The following COL19A1 variants were observed in gnomAD, a reference collection of about 807,000 sequenced individuals.
COL19A1 encodes the protein collagen type XIX alpha 1 chain, also known as collagen alpha-1(XIX) chain.
COL19A1 carries 159 observed loss-of-function variants against 190.2 expected under a neutral mutation model. The observed-to-expected ratio is 0.84, with a 90% CI of 0.73 to 0.95. The LOEUF is 0.95. COL19A1 is among the 40% of genes least tolerant of loss of function. COL19A1 has a pLI of 0.00. For missense variants in COL19A1, 1,418 were observed against 1,431.9 expected (o/e 0.99, Z 0.16); for synonymous variants, 509 against 458.9 (o/e 1.11, Z -1.39).
chr6:70,068,014 T>C (rs1463497778), intron 14 of COL19A1, among the ~76,000 whole-genome samples: 1 of 152,140 alleles, frequency 6.6e-6, no homozygotes, highest in Non-Finnish European at 1.5e-5. Context: ...ATGCATTTCC[T>C]TAGAATATAC....
At chr6:70,185,146 G>T (rs802187) in intron 46 of COL19A1, among the ~76,000 whole-genome samples, 1 of 152,080 alleles carries the variant, frequency 6.6e-6, no homozygotes, top group African/African-American at 2.4e-5. Context: ...ATACTTTGCT[G>T]TTTAAATTTG....
At chr6:70,154,921 T>A (rs1787344761) in intron 31 of COL19A1, among the ~76,000 whole-genome samples, 1 of 152,142 alleles carries the variant, frequency 6.6e-6, no homozygotes, top group African/African-American at 2.4e-5. Flanking sequence ...GGCACCTGAT[T>A]AGATGGTGCT....
intron 16 of COL19A1, among the ~76,000 whole-genome samples, chr6:70,121,641 G>A (rs372484411): frequency 7.9e-5 from 12 of 152,230 alleles, no homozygotes; most frequent in African/African-American, 2.6e-4. Context: ...CTGGTAAAAT[G>A]TTACATGCTC....
chr6:69,871,714 A>G (rs1299316876), intron 1 of COL19A1, among the ~76,000 whole-genome samples: 2 of 152,192 alleles, frequency 1.3e-5, no homozygotes, highest in African/African-American at 2.4e-5. Context: ...ATGGCTTAAC[A>G]GTAAAAATGT....
At chr6:69,924,604 T>C (rs1476822386) in intron 4 of COL19A1, among the ~76,000 whole-genome samples, 1 of 151,668 alleles carries the variant, frequency 6.6e-6, no homozygotes, top group Non-Finnish European at 1.5e-5. Flanking sequence ...TTATAATCCT[T>C]TGGGTATATC....
At chr6:69,928,424 T>G (rs535957013) in intron 5 of COL19A1, among the ~76,000 whole-genome samples, 94 of 152,130 alleles carry the variant, frequency 6.2e-4, no homozygotes, top group Non-Finnish European at 8.7e-4. Context: ...TGGACAACTC[T>G]TGGTGAATAA....
At chr6:69,920,161 C>T (rs965481868) in intron 4 of COL19A1, among the ~76,000 whole-genome samples, 21 of 152,054 alleles carry the variant, frequency 1.4e-4, no homozygotes, top group Middle Eastern at 3.4e-3. Context: ...AATCTTAACA[C>T]CAAGAAAGAA....
intron 14 of COL19A1, among the ~76,000 whole-genome samples, chr6:70,062,735 T>C (rs1261207727): frequency 1.3e-5 from 2 of 152,080 alleles, no homozygotes; most frequent in Admixed American, 1.3e-4. Context: ...TCAGGAAACC[T>C]ATCTCATCTG....
intron 13 of COL19A1, 147 bp from the exon 14 acceptor site, chr6:70,035,757 T>A: frequency 1.6e-6 from 1 of 610,782 alleles, no homozygotes; most frequent in Admixed American, 2.9e-5. Context: ...ATATTTTCTT[T>A]ATGCAGAGAC....
chr6:69,910,573 A>C (rs1770846869), intron 4 of COL19A1, among the ~76,000 whole-genome samples: 1 of 152,220 alleles, frequency 6.6e-6, no homozygotes, highest in Non-Finnish European at 1.5e-5. Flanking sequence ...AGTCATAATA[A>C]AGCAAATGTT....
intron 34 of COL19A1, 61 bp downstream of exon 34, chr6:70,156,784 G>A (rs886733613): frequency 3.0e-6 from 4 of 1,344,286 alleles, no homozygotes; most frequent in African/African-American, 3.0e-5. Context: ...TGGCTCAACA[G>A]AGTAAAAATG....
At chr6:69,970,143 C>T (rs947451138) in intron 11 of COL19A1, among the ~76,000 whole-genome samples, 1 of 152,036 alleles carries the variant, frequency 6.6e-6, no homozygotes, top group Non-Finnish European at 1.5e-5. Context: ...AAAAAGGGGC[C>T]ATTTTATAAT....
In COL19A1 at chr6:70,158,948, T is replaced by C. The variant is rs1026727311; in HGVS notation, c.2292+2225T>C. Reference sequence around the variant, plus strand: ...TATCTTATTGCCCTTTATGCATCCATAGTAACTTTCACTTTTACTACAGAA... The same window carrying C: ...TATCTTATTGCCCTTTATGCATCCACAGTAACTTTCACTTTTACTACAGAA... On this transcript the variant is annotated intron_variant, in intron 34 of 50. Transcript: ENST00000620364. 3.9e-5 allele frequency among the ~76,000 whole-genome samples: 6 copies of C among 152,242 alleles called. No homozygotes were observed. In the East Asian group the frequency reaches 9.6e-4, roughly 24 times the overall value.
At chr6:69,944,035 T>C (rs915740099) in intron 9 of COL19A1, among the ~76,000 whole-genome samples, 1 of 152,180 alleles carries the variant, frequency 6.6e-6, no homozygotes, top group African/African-American at 2.4e-5. Context: ...TCCCAGATTG[T>C]CTCGTACCCT....
intron 15 of COL19A1, among the ~76,000 whole-genome samples, chr6:70,077,132 C>G (rs923530673): frequency 3.3e-5 from 5 of 152,068 alleles, no homozygotes; most frequent in Admixed American, 6.6e-5. Flanking sequence ...AATAAATAAG[C>G]CCTCAACTTT....
At chr6:69,944,656 CA>C (rs1420486109) in intron 9 of COL19A1, among the ~76,000 whole-genome samples, 1 of 151,974 alleles carries the variant, frequency 6.6e-6, no homozygotes, top group East Asian at 1.9e-4. Flanking sequence ...GAAGTTTTGG[CA>C]AAACTTAATA....
intron 9 of COL19A1, among the ~76,000 whole-genome samples, chr6:69,944,038 C>G (rs144145733): frequency 6.6e-6 from 1 of 152,090 alleles, no homozygotes. Flanking sequence ...CAGATTGTCT[C>G]GTACCCTCTT....
At position 69,896,543 on chromosome 6, in the gene COL19A1, CAAAAAAAAAAAAAA is replaced by C. The variant is rs61409385; in HGVS notation, c.92-2390_92-2377del. On this transcript the variant is annotated intron_variant, in intron 2 of 50. Transcript: ENST00000620364. ...TGGGCGACAGAGCGAGACTCCGTCT[CAAAAAAAAAAAAAA>C]AAAAAAAAAAAAAATACTGCCAAAC... 4.5e-4 allele frequency among the ~76,000 whole-genome samples: 32 copies of C among 71,684 alleles called. 3 individuals carry two copies. The South Asian group carries it at 0.014, about 31-fold the overall frequency. 47.0% of individuals were successfully genotyped at this position (71,684 alleles called of 152,430 possible).
Position 70,211,064 on chromosome 6 carries a change from A to G in COL19A1, c.*3790A>G, listed in dbSNP as rs1406820577. On this transcript the variant is annotated 3_prime_UTR_variant, in exon 51 of 51. Transcript: ENST00000620364. ...GACAGATACTCTCAACAGACAAGAA[A>G]AAAGATTTAGCTTATCACAAGAAGC... is the stretch of plus-strand genomic sequence containing the variant. Among the ~76,000 whole-genome samples, 1 of 152,166 alleles carries G rather than the reference A, an allele frequency of 6.6e-6. No individual in the cohort carries two copies. Among genetic ancestry groups the G allele is most frequent in the East Asian group, 1.9e-4 (1 of 5,204 alleles).
Sources: gnomAD v4.1 joint callset for allele counts (sites outside exome capture counted in the v4.1 genomes callset) on GRCh38, gnomAD v4.1.1 for gene constraint, MANE v1.5 for transcripts, NCBI Gene and HGNC (gene_info 2026-07-23, HGNC 2026-07-21) for gene names.